C16orf87: variants seen among roughly 807,000 people sequenced by gnomAD.
The protein encoded by C16orf87 is HDAC and MIER1 interacting protein 1.
A neutral mutation model predicts 21.0 loss-of-function variants in C16orf87; 13 were observed. The observed-to-expected ratio is 0.62, with a 90% CI of 0.40 to 0.98. C16orf87 has a LOEUF of 0.98. C16orf87 is among the 50% of genes least tolerant of loss of function. C16orf87 has a pLI of 0.00. For missense variants in C16orf87, 113 were observed against 180.4 expected (o/e 0.63, Z 2.14); for synonymous variants, 49 against 60.2 (o/e 0.81, Z 0.86).
Position 46,800,308 on chromosome 16 carries a change from T to C in C16orf87, c.*2644A>G, listed in dbSNP as rs988739025. On this transcript the variant is annotated 3_prime_UTR_variant, in exon 4 of 4. Coordinates refer to ENST00000285697, the MANE Select transcript of C16orf87 (RefSeq NM_001001436.4). The stretch of plus-strand genomic sequence containing the variant: ...CAAGCTGTTTGATCACTTCCACTGA[T>C]TACTACACAAGAAATAATTTGCACA... 2.0e-5 allele frequency: 3 copies of C among 152,264 alleles called. No individual in the cohort carries two copies. Among genetic ancestry groups the C allele is most frequent in the African/African-American group, 7.2e-5 (3 of 41,566 alleles). The allele number at this position is 152,264 out of a possible 1,614,324, so 9.4% of individuals were successfully genotyped here. A position where few individuals can be genotyped will look rare whatever the true frequency, so the allele number is the denominator to read the frequency against.
intron 2 of C16orf87, among the ~76,000 whole-genome samples, chr16:46,811,201 C>T (rs2143084626): frequency 6.6e-6 from 1 of 152,224 alleles, no homozygotes; most frequent in East Asian, 1.9e-4. Context: ...CAGGTACTAA[C>T]ATCACTAAAA....
intron 2 of C16orf87, among the ~76,000 whole-genome samples, chr16:46,810,754 C>T (rs780943492): frequency 1.3e-5 from 2 of 151,960 alleles, no homozygotes; most frequent in Non-Finnish European, 2.9e-5. Context: ...AGACATATAC[C>T]AGATAATACA....
chr16:46,823,353 T>C (rs1959493986), intron 2 of C16orf87, among the ~76,000 whole-genome samples: 1 of 152,236 alleles, frequency 6.6e-6, no homozygotes, highest in Non-Finnish European at 1.5e-5. Context: ...GTCTAGCATA[T>C]AGCAGGTGCT....
rs756655129 is a variant in C16orf87 at position 46,809,726 on chromosome 16, A to G, written c.223T>C (p.Ser75Pro). The G allele has an allele frequency of 6.2e-7, 1 of 1,609,096 alleles. No homozygotes were observed. Among genetic ancestry groups the G allele is most frequent in the East Asian group, 2.2e-5 (1 of 44,820 alleles). The change falls in exon 3 of 4, where the codon TCT becomes CCT. Residue 75 changes from serine to proline, a missense_variant. Transcript: ENST00000285697. Reference sequence around the variant, plus strand: ...TTTTCTAAATCTTTATTTACTGTAGAATTTATCTTCTCTCTCCTAACTCTC... The same window carrying G: ...TTTTCTAAATCTTTATTTACTGTAGGATTTATCTTCTCTCTCCTAACTCTC... ...TERVRREKIN[S>P]TVNKDLENRK...
chr16:46,816,034 C>T (rs1327480848), intron 2 of C16orf87, among the ~76,000 whole-genome samples: 2 of 152,100 alleles, frequency 1.3e-5, no homozygotes, highest in African/African-American at 2.4e-5. Flanking sequence ...CATATACATA[C>T]AATGGAATAT....
intron 3 of C16orf87, 89 bp from the exon 4 acceptor site, chr16:46,803,159 G>A: frequency 1.6e-6 from 1 of 630,924 alleles, no homozygotes. Flanking sequence ...TTCTTTAAAT[G>A]ACAGTATTAT....
At chr16:46,807,378 C>G (rs1291162693) in intron 3 of C16orf87, among the ~76,000 whole-genome samples, 1 of 151,562 alleles carries the variant, frequency 6.6e-6, no homozygotes, top group African/African-American at 2.4e-5. Context: ...GATCACTCCA[C>G]TGCACTCCAG....
chr16:46,809,172 C>G (rs1469959394), intron 3 of C16orf87, among the ~76,000 whole-genome samples: 1 of 151,768 alleles, frequency 6.6e-6, no homozygotes, highest in African/African-American at 2.4e-5. Flanking sequence ...ACCTGTAGTC[C>G]CAGCTACTCA....
At chr16:46,825,313 C>T (rs746689546) in intron 1 of C16orf87, among the ~76,000 whole-genome samples, 1 of 152,150 alleles carries the variant, frequency 6.6e-6, no homozygotes, top group Non-Finnish European at 1.5e-5. Flanking sequence ...AAGGCCCAAA[C>T]TGATGACTGG....
chr16:46,820,824 T>G (rs1448998586), intron 2 of C16orf87, among the ~76,000 whole-genome samples: 1 of 152,224 alleles, frequency 6.6e-6, no homozygotes, highest in Non-Finnish European at 1.5e-5. Flanking sequence ...ACCAACAGTA[T>G]GAGACTATCC....
chr16:46,823,284 AC>A (rs1959489661), intron 2 of C16orf87, among the ~76,000 whole-genome samples: 1 of 152,188 alleles, frequency 6.6e-6, no homozygotes, highest in African/African-American at 2.4e-5. Context: ...GCTCCATGAC[AC>A]CAGTAAATCT....
Position 46,802,881 on chromosome 16 carries a change from G to T in C16orf87, c.*71C>A, listed in dbSNP as rs143952575. The T allele has an allele frequency of 9.3e-4, 705 of 755,348 alleles. 18 individuals are homozygous for T. In the East Asian group the frequency reaches 0.017, roughly 19 times the overall value. 46.8% of individuals were successfully genotyped at this position (755,348 alleles called of 1,614,324 possible). A position where few individuals can be genotyped will look rare whatever the true frequency, so the allele number is the denominator to read the frequency against. Reference sequence around the variant, plus strand: ...ATTGATGCAGTCAGAATGCTCCTGAGAGTCCATAACTGTTTGAGAATTTGC... The same window carrying T: ...ATTGATGCAGTCAGAATGCTCCTGATAGTCCATAACTGTTTGAGAATTTGC... On this transcript the variant is annotated 3_prime_UTR_variant, in exon 4 of 4. Transcript: ENST00000285697.
At chr16:46,822,194 G>C (rs957463469) in intron 2 of C16orf87, among the ~76,000 whole-genome samples, 2 of 152,138 alleles carry the variant, frequency 1.3e-5, no homozygotes, top group African/African-American at 4.8e-5. Context: ...GGAATTATGG[G>C]CATAAGCCAT....
chr16:46,808,528 G>A (rs1359203795), intron 3 of C16orf87, among the ~76,000 whole-genome samples: 7 of 152,158 alleles, frequency 4.6e-5, no homozygotes, highest in Admixed American at 3.3e-4. Context: ...CACAAATAGT[G>A]TAAGAAATTA....
At position 46,799,617 on chromosome 16, in the gene C16orf87, C is replaced by G. The variant is rs1440455973; in HGVS notation, c.*3335G>C. On this transcript the variant is annotated 3_prime_UTR_variant, in exon 4 of 4. Transcript: ENST00000285697. ...GAACACAATTTGGCAGAATGACTAC[C>G]TGTATCTAGAGCATATTTTGAAAGT... is the stretch of plus-strand genomic sequence containing the variant. The G allele has an allele frequency of 6.6e-6, 1 of 152,184 alleles. No individual in the cohort carries two copies. The allele number at this position is 152,184 out of a possible 1,614,324, so 9.4% of individuals were successfully genotyped here.
At chr16:46,829,173 C>G (rs1959746804) in intron 1 of C16orf87, among the ~76,000 whole-genome samples, 1 of 151,996 alleles carries the variant, frequency 6.6e-6, no homozygotes, top group African/African-American at 2.4e-5. Flanking sequence ...AGAGCTTGAC[C>G]CTCTTTCTGC....
At chr16:46,829,822 A>T (rs189802838) in intron 1 of C16orf87, among the ~76,000 whole-genome samples, 1 of 151,914 alleles carries the variant, frequency 6.6e-6, no homozygotes, top group African/African-American at 2.4e-5. Flanking sequence ...AACATGTAAC[A>T]TGTTTTCTGT....
intron 2 of C16orf87, among the ~76,000 whole-genome samples, chr16:46,812,160 T>C (rs811267): frequency 0.99 from 149,953 of 152,226 alleles, 73,887 homozygotes; most frequent in East Asian, 1. Context: ...ATGAGAATTG[T>C]TTGAACCCAG....
At chr16:46,822,400 T>C (rs1959451234) in intron 2 of C16orf87, among the ~76,000 whole-genome samples, 1 of 152,216 alleles carries the variant, frequency 6.6e-6, no homozygotes, top group Non-Finnish European at 1.5e-5. Context: ...CCAAAATAGC[T>C]ACCGAGTGAA....
Sources: gnomAD v4.1 joint callset for allele counts (sites outside exome capture counted in the v4.1 genomes callset) on GRCh38, gnomAD v4.1.1 for gene constraint, MANE v1.5 for transcripts, NCBI Gene and HGNC (gene_info 2026-07-23, HGNC 2026-07-21) for gene names.